Variants in THSD7A observed in about 807,000 individuals in gnomAD.
THSD7A encodes the protein thrombospondin type-1 domain-containing protein 7A.
THSD7A carries 96 observed loss-of-function variants against 231.3 expected under a neutral mutation model. That is an observed-to-expected ratio of 0.41 (90% CI 0.35 to 0.49). THSD7A has a LOEUF of 0.49. THSD7A is among the 20% of genes least tolerant of loss of function. The pLI, the probability that THSD7A is intolerant of heterozygous loss-of-function variation, is 0.05. For synonymous variants in THSD7A, 940 were observed against 743.3 expected (o/e 1.26, Z -4.30); for missense variants, 2,290 against 2,070.2 (o/e 1.11, Z -2.06).
intron 1 of THSD7A, among the ~76,000 whole-genome samples, chr7:11,769,153 A>ATTTTTTT (rs1227041855): frequency 1.1e-4 from 3 of 27,662 alleles, no homozygotes; most frequent in Non-Finnish European, 1.4e-4. Context: ...ATATATATAT[A>ATTTTTTT]TTTTTTTTTT....
At chr7:11,819,941 G>C (rs935150697) in intron 1 of THSD7A, among the ~76,000 whole-genome samples, 1 of 152,136 alleles carries the variant, frequency 6.6e-6, no homozygotes, top group African/African-American at 2.4e-5. Context: ...TGTACTTTCT[G>C]CTTAACTTTC....
rs150110755 is a variant in THSD7A at position 11,543,510 on chromosome 7, G to T, written c.1454-393C>A. On this transcript the variant is annotated intron_variant, in intron 4 of 27. Coordinates refer to ENST00000423059, the MANE Select transcript of THSD7A (RefSeq NM_015204.3). ...GAACAAAAATAGGAGGGGGACTATA[G>T]CTTCAACATATATGAAAAAAATGTC... 2.4e-3 allele frequency among the ~76,000 whole-genome samples: 361 copies of T among 152,286 alleles called. 3 individuals are homozygous for T. Among genetic ancestry groups the T allele is most frequent in the African/African-American group, 8.3e-3 (344 of 41,558 alleles).
chr7:11,820,539 C>CT, intron 1 of THSD7A: 3 of 745,234 alleles, frequency 4.0e-6, no homozygotes, highest in Non-Finnish European at 4.5e-6. Flanking sequence ...TTACCGGTTT[C>CT]TTTTTTGAAA....
chr7:11,476,921 G>A (rs979380722), intron 7 of THSD7A, among the ~76,000 whole-genome samples: 8 of 151,856 alleles, frequency 5.3e-5, no homozygotes, highest in Admixed American at 3.3e-4. Context: ...TTAAAAGTAT[G>A]ATATAAATAC....
rs1370198862 is a variant in THSD7A at position 11,568,577 on chromosome 7, A to G, written c.1453+21883T>C. ...GAGGCAGAGCTTGCAGTGAGCCGAG[A>G]TCACGCCACTGCACTCCAACCTGAG... On this transcript the variant is annotated intron_variant, in intron 4 of 27. Coordinates refer to ENST00000423059, the MANE Select transcript of THSD7A (RefSeq NM_015204.3). 2.2e-5 allele frequency among the ~76,000 whole-genome samples: 3 copies of G among 138,190 alleles called. No individual in the cohort carries two copies. In the Admixed American group the frequency reaches 2.4e-4, roughly 11 times the overall value. 90.7% of individuals were successfully genotyped at this position (138,190 alleles called of 152,430 possible).
At chr7:11,727,225 C>T (rs554419519) in intron 1 of THSD7A, among the ~76,000 whole-genome samples, 21 of 152,046 alleles carry the variant, frequency 1.4e-4, no homozygotes, top group African/African-American at 4.1e-4. Context: ...TTGCCAGTAT[C>T]ACCAGGTATT....
At position 11,461,681 on chromosome 7, in the gene THSD7A, G is replaced by T. The variant is rs530875361; in HGVS notation, c.2501+330C>A. 1.3e-3 allele frequency among the ~76,000 whole-genome samples: 196 copies of T among 152,210 alleles called. 1 individual carries two copies. Among genetic ancestry groups the T allele is most frequent in the Middle Eastern group, 0.01 (3 of 294 alleles). ...TTAGGCTAGTCTTCTAAGTGAAAAAGAATTTCTTCCTAAAGTATACATGTT... is the reference window on the plus strand; with the variant it reads ...TTAGGCTAGTCTTCTAAGTGAAAAATAATTTCTTCCTAAAGTATACATGTT... On this transcript the variant is annotated intron_variant, in intron 10 of 27. Transcript: ENST00000423059.
chr7:11,554,039 A>G lies in THSD7A; in HGVS notation c.1454-10922T>C, dbSNP rs535344659. 6.6e-5 allele frequency among the ~76,000 whole-genome samples: 10 copies of G among 152,144 alleles called. No individual in the cohort carries two copies. The South Asian group carries it at 2.1e-3, about 32-fold the overall frequency. ...TTGTAATTTGACAGCTTCTACATAT[A>G]CTTTATCCAGTTTCTCCCATAGGCA... On this transcript the variant is annotated intron_variant, in intron 4 of 27. Coordinates refer to ENST00000423059, the MANE Select transcript of THSD7A (RefSeq NM_015204.3).
chr7:11,446,188 C>A lies in THSD7A; in HGVS notation c.2937G>T (p.Val979=), dbSNP rs750469723. ...GTACTTTCATTCCCAGCAACACTTC[C>A]ACTTTTCCCTCTGGTAAAATACAGT... ...WSDCILPEGK[V]EVLLGMKVQG... Residue 979 remains valine (V), a synonymous_variant, in exon 13 of 28, where the codon GTG becomes GTT. Coordinates refer to ENST00000423059, the MANE Select transcript of THSD7A (RefSeq NM_015204.3). This position sits in a 1 kb window ranked among gnomAD's most constrained non-coding sequence, Gnocchi z 4.0. 1.2e-6 allele frequency: 2 copies of A among 1,613,556 alleles called. No individual in the cohort carries two copies. The highest frequency in any genetic ancestry group is 1.3e-5 in the African/African-American group (1 of 75,008).
chr7:11,753,875 T>G (rs1002904735), intron 1 of THSD7A, among the ~76,000 whole-genome samples: 1 of 151,762 alleles, frequency 6.6e-6, no homozygotes, highest in Non-Finnish European at 1.5e-5. Flanking sequence ...AAGAATTAGA[T>G]CCAGATTTTA....
Position 11,474,681 on chromosome 7 carries a change from A to C in THSD7A, c.2018-113T>G. 2.5e-6 allele frequency: 2 copies of C among 810,188 alleles called. No homozygotes were observed. The highest frequency in any genetic ancestry group is 3.9e-5 in the South Asian group (2 of 51,164). The allele number at this position is 810,188 out of a possible 1,614,324, so 50.2% of individuals were successfully genotyped here. On this transcript the variant is annotated intron_variant, in intron 7 of 27. Transcript: ENST00000423059. The surrounding 1 kb of genome is among the most constrained non-coding windows in gnomAD (Gnocchi z 4.1). ...AAATAAAAAGTGACTTTTCTTCCCC[A>C]CATCAAGTTCATAAATACACGCAAT...
At chr7:11,584,659 A>T (rs958321008) in intron 4 of THSD7A, among the ~76,000 whole-genome samples, 5 of 152,308 alleles carry the variant, frequency 3.3e-5, no homozygotes, top group African/African-American at 1.2e-4. Flanking sequence ...GGTTCTATTG[A>T]AAATAGCCTT....
intron 4 of THSD7A, among the ~76,000 whole-genome samples, chr7:11,570,664 C>T (rs78885100): frequency 0.025 from 3,834 of 152,224 alleles, 173 homozygotes; most frequent in African/African-American, 0.088. Context: ...TATTTTACAT[C>T]ATTCAAAGTT....
At chr7:11,470,756 T>C (rs1008734461) in intron 8 of THSD7A, among the ~76,000 whole-genome samples, 4 of 151,880 alleles carry the variant, frequency 2.6e-5, no homozygotes, top group African/African-American at 4.8e-5. Flanking sequence ...AAAACTAAAA[T>C]ACTGTATTTT....
At chr7:11,524,348 T>C (rs574467028) in intron 6 of THSD7A, among the ~76,000 whole-genome samples, 4 of 152,254 alleles carry the variant, frequency 2.6e-5, no homozygotes, top group African/African-American at 9.6e-5. Context: ...ATGTTGTCTA[T>C]TGCTAGTACA....
intron 4 of THSD7A, among the ~76,000 whole-genome samples, chr7:11,585,961 T>C (rs895902086): frequency 1.3e-5 from 2 of 152,170 alleles, no homozygotes; most frequent in Non-Finnish European, 2.9e-5. Context: ...GACAAAATGT[T>C]CATGGACAAA....
At chr7:11,415,161 T>C (rs772730378) in intron 17 of THSD7A, among the ~76,000 whole-genome samples, 1 of 152,218 alleles carries the variant, frequency 6.6e-6, no homozygotes, top group Non-Finnish European at 1.5e-5. Flanking sequence ...TGTTCAAATA[T>C]GACAAATGTA....
At chr7:11,479,842 C>T (rs1786347793) in intron 7 of THSD7A, among the ~76,000 whole-genome samples, 1 of 149,186 alleles carries the variant, frequency 6.7e-6, no homozygotes, top group Admixed American at 6.8e-5. Context: ...AGACAAATAG[C>T]ATTGACAGAG....
intron 2 of THSD7A, among the ~76,000 whole-genome samples, chr7:11,625,466 C>A (rs945385055): frequency 1.3e-5 from 2 of 151,980 alleles, no homozygotes; most frequent in African/African-American, 4.8e-5. Flanking sequence ...TATCTAATAT[C>A]AGTGACCACA....
Sources: allele counts gnomAD v4.1 joint callset (sites outside exome capture counted in the v4.1 genomes callset), GRCh38; gene constraint gnomAD v4.1.1; non-coding constraint Gnocchi (gnomAD v3.1); transcripts MANE v1.5; gene names NCBI Gene and HGNC (gene_info 2026-07-23, HGNC 2026-07-21).